Variants in SGMS1 observed in about 807,000 individuals in gnomAD.
The protein encoded by SGMS1 is sphingomyelin synthase 1, also known as phosphatidylcholine:ceramide cholinephosphotransferase 1.
In SGMS1, 13 loss-of-function variants were observed where a neutral mutation model predicts 46.2. The ratio of observed to expected loss-of-function variants is 0.28; its 90% confidence interval spans 0.18 to 0.45. The LOEUF is 0.45. Ranked by LOEUF, SGMS1 falls within the 20% of genes least tolerant of loss-of-function variation. SGMS1 has a pLI of 1.00. For synonymous variants in SGMS1, 203 were observed against 187.8 expected (o/e 1.08, Z -0.66); for missense variants, 324 against 519.9 (o/e 0.62, Z 3.66).
At chr10:50,557,030 T>G (rs1363497897) in intron 2 of SGMS1, among the ~76,000 whole-genome samples, 1 of 152,202 alleles carries the variant, frequency 6.6e-6, no homozygotes, top group Non-Finnish European at 1.5e-5. Flanking sequence ...GCAAATAAAA[T>G]TAATATTAAT....
intron 3 of SGMS1, among the ~76,000 whole-genome samples, chr10:50,485,951 C>A (rs1837517805): frequency 6.6e-6 from 1 of 151,904 alleles, no homozygotes; most frequent in Non-Finnish European, 1.5e-5. Context: ...CACTGCCCAA[C>A]TTCAAACTCA....
At chr10:50,585,220 G>A (rs185311539) in intron 2 of SGMS1, among the ~76,000 whole-genome samples, 1 of 152,318 alleles carries the variant, frequency 6.6e-6, no homozygotes, top group East Asian at 1.9e-4. Flanking sequence ...TTGGTTGGCT[G>A]TTGTTTCTAT....
At chr10:50,502,042 T>G (rs979838446) in intron 3 of SGMS1, among the ~76,000 whole-genome samples, 4 of 152,006 alleles carry the variant, frequency 2.6e-5, no homozygotes, top group African/African-American at 9.7e-5. Flanking sequence ...GTTTCCACAA[T>G]GTACTGTGTT....
intron 2 of SGMS1, among the ~76,000 whole-genome samples, chr10:50,583,197 GC>G (rs1159156431): frequency 1.3e-5 from 2 of 152,126 alleles, no homozygotes; most frequent in African/African-American, 4.8e-5. Flanking sequence ...ACCTAGTCTA[GC>G]CCCAGAATCC....
intron 2 of SGMS1, among the ~76,000 whole-genome samples, chr10:50,560,879 C>T (rs1369689988): frequency 6.6e-6 from 1 of 152,032 alleles, no homozygotes; most frequent in Admixed American, 6.6e-5. Flanking sequence ...GCCTTTATAC[C>T]GTTTTCCTAA....
intron 9 of SGMS1, among the ~76,000 whole-genome samples, chr10:50,310,510 T>C (rs1224550212): frequency 2.6e-5 from 4 of 152,128 alleles, no homozygotes; most frequent in African/African-American, 7.2e-5. Context: ...AATGGCAGTA[T>C]GCCATTTATG....
At chr10:50,533,078 T>G (rs941480029) in intron 2 of SGMS1, among the ~76,000 whole-genome samples, 2 of 152,138 alleles carry the variant, frequency 1.3e-5, no homozygotes, top group African/African-American at 4.8e-5. Context: ...TGAAAAAAAA[T>G]GCTGAGCTAA....
intron 6 of SGMS1, among the ~76,000 whole-genome samples, chr10:50,383,660 T>G (rs932950140): frequency 6.6e-6 from 1 of 152,154 alleles, no homozygotes; most frequent in Non-Finnish European, 1.5e-5. Flanking sequence ...TTTGTATACT[T>G]TCTCATGTGT....
chr10:50,487,427 C>T (rs1459607083), intron 3 of SGMS1, among the ~76,000 whole-genome samples: 1 of 152,148 alleles, frequency 6.6e-6, no homozygotes, highest in African/African-American at 2.4e-5. Flanking sequence ...AGCAAACCAC[C>T]ATGGCACATG....
rs540808210 is a variant in SGMS1 at position 50,369,989 on chromosome 10, G to A, written c.-231-25644C>T. On this transcript the variant is annotated intron_variant, in intron 6 of 10. Coordinates refer to ENST00000361781, the MANE Select transcript of SGMS1 (RefSeq NM_147156.4). ...TTATTGTAAGCAACTGTAACATAATGGTAAGCTTTGTGTATCTAAATGCAG... is the reference window on the plus strand; with the variant it reads ...TTATTGTAAGCAACTGTAACATAATAGTAAGCTTTGTGTATCTAAATGCAG... Among the ~76,000 whole-genome samples the A allele has an allele frequency of 3.9e-5, 6 of 152,270 alleles. No homozygotes were observed. In the South Asian group the frequency reaches 8.3e-4, roughly 21 times the overall value.
chr10:50,479,428 A>C (rs887314678), intron 3 of SGMS1, among the ~76,000 whole-genome samples: 5 of 152,194 alleles, frequency 3.3e-5, no homozygotes, highest in Admixed American at 6.5e-5. Context: ...AGGAGTCCCA[A>C]GGCAAAACAG....
upstream of SGMS1, chr10:50,624,055 C>A (rs1838886882): frequency 1.0e-6 from 1 of 985,370 alleles, no homozygotes; most frequent in Non-Finnish European, 1.2e-6. Context: ...GGCGGGCCGG[C>A]CGGGCGGGGT....
At chr10:50,447,974 T>C (rs1218982070) in intron 5 of SGMS1, among the ~76,000 whole-genome samples, 1 of 152,166 alleles carries the variant, frequency 6.6e-6, no homozygotes, top group Non-Finnish European at 1.5e-5. Context: ...TAGGTTCCAG[T>C]GCAAAGTAAT....
chr10:50,352,443 G>A (rs1041012666), intron 6 of SGMS1, among the ~76,000 whole-genome samples: 2 of 152,102 alleles, frequency 1.3e-5, no homozygotes, highest in Non-Finnish European at 2.9e-5. Context: ...ATAACATAGA[G>A]CCCAAATTAC....
At chr10:50,506,550 G>A (rs1235549004) in intron 3 of SGMS1, among the ~76,000 whole-genome samples, 1 of 152,238 alleles carries the variant, frequency 6.6e-6, no homozygotes, top group Admixed American at 6.5e-5. Flanking sequence ...CCACGTGTCT[G>A]CTCAGTTTCA....
At chr10:50,387,136 T>C (rs1848694767) in intron 6 of SGMS1, among the ~76,000 whole-genome samples, 2 of 152,192 alleles carry the variant, frequency 1.3e-5, no homozygotes, top group African/African-American at 4.8e-5. Flanking sequence ...TCGATGATGC[T>C]GATAGAAGAT....
chr10:50,624,083 C>T, upstream of SGMS1: 1 of 985,168 alleles, frequency 1.0e-6, no homozygotes, highest in Non-Finnish European at 1.2e-6. Flanking sequence ...GGGCTCCTCC[C>T]GGGACCGAGC....
At chr10:50,365,944 C>A (rs1475762813) in intron 6 of SGMS1, among the ~76,000 whole-genome samples, 1 of 151,820 alleles carries the variant, frequency 6.6e-6, no homozygotes, top group Admixed American at 6.6e-5. Flanking sequence ...GGGTATATAC[C>A]CAGTAATATA....
intron 8 of SGMS1, 63 bp from the exon 9 acceptor site, chr10:50,311,478 AAGATTACT>A: frequency 2.0e-6 from 3 of 1,487,816 alleles, no homozygotes; most frequent in Non-Finnish European, 1.8e-6. Flanking sequence ...AAAATGTGCG[AAGATTACT>A]ATTCATATCC....
Sources: allele counts gnomAD v4.1 joint callset (sites outside exome capture counted in the v4.1 genomes callset), GRCh38; gene constraint gnomAD v4.1.1; transcripts MANE v1.5; gene names NCBI Gene and HGNC (gene_info 2026-07-23, HGNC 2026-07-21).